GNA14: variants seen among roughly 807,000 people sequenced by gnomAD.
GNA14 encodes the protein guanine nucleotide-binding protein subunit alpha-14.
In GNA14, 50 loss-of-function variants were observed where a neutral mutation model predicts 42.0. The ratio of observed to expected loss-of-function variants is 1.19; its 90% CI spans 0.95 to 1.51. The LOEUF (loss-of-function observed/expected upper bound fraction) is 1.51, where lower values mean the gene tolerates loss of function less well. Among genes scored for constraint, GNA14 ranks in the 40% most tolerant of loss-of-function variants. The pLI is 0.00. For synonymous variants in GNA14, 173 were observed against 163.1 expected (o/e 1.06, Z -0.46); for missense variants, 473 against 446.2 (o/e 1.06, Z -0.54).
At chr9:77,464,192 G>A (rs1408395091) in intron 2 of GNA14, among the ~76,000 whole-genome samples, 1 of 152,056 alleles carries the variant, frequency 6.6e-6, no homozygotes, top group African/African-American at 2.4e-5. Flanking sequence ...GTAGAGATGG[G>A]GTCTTGCCAT....
At chr9:77,508,303 T>C (rs564968149) in intron 2 of GNA14, among the ~76,000 whole-genome samples, 1 of 152,320 alleles carries the variant, frequency 6.6e-6, no homozygotes, top group Non-Finnish European at 1.5e-5. Flanking sequence ...TGGTATGATA[T>C]ATCACACGAG....
chr9:77,485,604 A>G lies in GNA14; in HGVS notation c.309+43465T>C, dbSNP rs141291562. ...AGAGAAGTCACTATCTATGACAGCT[A>G]TAGCCTTAAAAAATGCATTTTGTAA... On this transcript the variant is annotated intron_variant, in intron 2 of 6. Coordinates refer to ENST00000341700, the MANE Select transcript of GNA14 (RefSeq NM_004297.4). Among the ~76,000 whole-genome samples, 197 of 152,346 alleles carry G rather than the reference A, an allele frequency of 1.3e-3. 2 individuals carry two copies. The highest frequency in any genetic ancestry group is 0.012 in the South Asian group (60 of 4,830).
chr9:77,564,789 T>C (rs1822940588), intron 1 of GNA14, among the ~76,000 whole-genome samples: 1 of 151,576 alleles, frequency 6.6e-6, no homozygotes, highest in South Asian at 2.1e-4. Context: ...GCTGAGATTG[T>C]ACCACTGCAC....
intron 2 of GNA14, among the ~76,000 whole-genome samples, chr9:77,471,351 G>A (rs951731748): frequency 1.3e-5 from 2 of 152,152 alleles, no homozygotes; most frequent in African/African-American, 2.4e-5. Flanking sequence ...TAACATTGAA[G>A]AAACTGATGA....
intron 2 of GNA14, among the ~76,000 whole-genome samples, chr9:77,521,648 T>C (rs1172565895): frequency 6.6e-6 from 1 of 152,262 alleles, no homozygotes; most frequent in East Asian, 1.9e-4. Flanking sequence ...GTTAGAAATA[T>C]ACTCTCCTAT....
At chr9:77,439,591 C>T (rs1432686301) in intron 2 of GNA14, among the ~76,000 whole-genome samples, 2 of 152,182 alleles carry the variant, frequency 1.3e-5, no homozygotes, top group African/African-American at 2.4e-5. Context: ...GAGCCAAGAT[C>T]GTGCCACCGC....
chr9:77,486,552 G>A (rs1248558875), intron 2 of GNA14, among the ~76,000 whole-genome samples: 3 of 152,218 alleles, frequency 2.0e-5, no homozygotes, highest in African/African-American at 7.2e-5. Context: ...GCTTTTGGCT[G>A]TCTCAGCTTT....
intron 2 of GNA14, among the ~76,000 whole-genome samples, chr9:77,488,037 A>G (rs1354280627): frequency 6.6e-6 from 1 of 150,788 alleles, no homozygotes; most frequent in Non-Finnish European, 1.5e-5. Context: ...ATTCAGGGAG[A>G]AAAAAAAACA....
At chr9:77,519,808 G>C (rs551598563) in intron 2 of GNA14, among the ~76,000 whole-genome samples, 1 of 151,918 alleles carries the variant, frequency 6.6e-6, no homozygotes, top group African/African-American at 2.4e-5. Context: ...TCAGGAGTTC[G>C]AGACCAGCCT....
At chr9:77,589,519 C>G (rs991634580) in intron 1 of GNA14, among the ~76,000 whole-genome samples, 2 of 152,102 alleles carry the variant, frequency 1.3e-5, no homozygotes, top group Admixed American at 1.3e-4. Flanking sequence ...TCTCAAAAGC[C>G]ATCGTATGAG....
At chr9:77,588,248 C>G (rs1353577584) in intron 1 of GNA14, among the ~76,000 whole-genome samples, 1 of 152,200 alleles carries the variant, frequency 6.6e-6, no homozygotes, top group Non-Finnish European at 1.5e-5. Flanking sequence ...GGGGCTATCA[C>G]TCCATCCACC....
chr9:77,511,231 C>T (rs1310710121), intron 2 of GNA14, among the ~76,000 whole-genome samples: 1 of 152,242 alleles, frequency 6.6e-6, no homozygotes, highest in South Asian at 2.1e-4. Flanking sequence ...ATCATCTGGT[C>T]AAGTTCTTCT....
intron 1 of GNA14, among the ~76,000 whole-genome samples, chr9:77,566,274 C>T (rs1188824774): frequency 6.6e-6 from 1 of 151,428 alleles, no homozygotes; most frequent in Non-Finnish European, 1.5e-5. Context: ...TGAGCCTCAG[C>T]CTCCTGAGTA....
intron 1 of GNA14, among the ~76,000 whole-genome samples, chr9:77,572,844 G>C (rs1426850392): frequency 6.6e-6 from 1 of 152,102 alleles, no homozygotes; most frequent in Non-Finnish European, 1.5e-5. Context: ...ATAGTTTAAT[G>C]AGTTATAGCA....
intron 1 of GNA14, among the ~76,000 whole-genome samples, chr9:77,608,716 C>T (rs139101074): frequency 6.7e-5 from 10 of 148,198 alleles, no homozygotes; most frequent in African/African-American, 1.8e-4. Context: ...TGACAATGTA[C>T]GAAGCCCAAT....
intron 2 of GNA14, among the ~76,000 whole-genome samples, chr9:77,454,805 G>T (rs541996706): frequency 6.6e-6 from 1 of 152,204 alleles, no homozygotes; most frequent in Admixed American, 6.5e-5. Flanking sequence ...AACAGTCAGG[G>T]TCAACGAAAA....
chr9:77,560,286 CTTTTTTTTTTTTT>C (rs770870060), intron 1 of GNA14, among the ~76,000 whole-genome samples: 5 of 119,556 alleles, frequency 4.2e-5, no homozygotes, highest in African/African-American at 1.7e-4. Flanking sequence ...CCTCTCCAGT[CTTTTTTTTTTTTT>C]TTTTTTTGAG....
chr9:77,540,727 A>AT lies in GNA14; in HGVS notation c.125-11475dup, dbSNP rs1464349919. Among the ~76,000 whole-genome samples, 3 of 152,004 alleles carry AT rather than the reference A, an allele frequency of 2.0e-5. No homozygotes were observed. In the East Asian group the frequency reaches 5.8e-4, roughly 29 times the overall value. On this transcript the variant is annotated intron_variant, in intron 1 of 6. Transcript: ENST00000341700. ...GATCCTCTTATTATTACACACTGAC[A>AT]TTTTTTGTCTTTTGAAGTCTGTTTT...
intron 1 of GNA14, among the ~76,000 whole-genome samples, chr9:77,529,638 G>C (rs1837498992): frequency 6.6e-6 from 1 of 152,166 alleles, no homozygotes. Context: ...AAAGGCTCAT[G>C]AATCAGTCAA....
Sources: allele counts gnomAD v4.1 joint callset (sites outside exome capture counted in the v4.1 genomes callset), GRCh38; gene constraint gnomAD v4.1.1; transcripts MANE v1.5; gene names NCBI Gene and HGNC (gene_info 2026-07-23, HGNC 2026-07-21).